GCN1: variants seen among roughly 807,000 people sequenced by gnomAD.
GCN1 encodes the protein stalled ribosome sensor GCN1.
GCN1 carries 90 observed loss-of-function variants against 288.4 expected under a neutral mutation model. That is an observed-to-expected ratio of 0.31 (90% CI 0.26 to 0.37). The LOEUF is 0.37. Among genes scored for constraint, GCN1 ranks in the 10% least tolerant of loss-of-function variants. The pLI, the probability that GCN1 is intolerant of heterozygous loss-of-function variation, is 1.00. For synonymous variants in GCN1, 1,386 were observed against 1,420.2 expected (o/e 0.98, Z 0.54); for missense variants, 2,586 against 3,419.9 (o/e 0.76, Z 6.08).
intron 56 of GCN1, among the ~76,000 whole-genome samples, chr12:120,130,163 C>T (rs552928285): frequency 6.6e-6 from 1 of 152,338 alleles, no homozygotes; most frequent in Non-Finnish European, 1.5e-5. Context: ...CTGGCTCTGA[C>T]TTCTGTGCAC....
chr12:120,176,174 C>A lies in GCN1; in HGVS notation c.882G>T (p.Gln294His). The change falls in exon 10 of 58, where the codon CAG becomes CAT. Residue 294 changes from glutamine (Q) to histidine (H), a missense_variant. By Grantham distance (24) the Gln-to-His change is conservative (BLOSUM62 0). Around this residue, in one of 8 missense-constraint regions of GCN1, gnomAD observed 913 missense variants for 1,107.0 expected, o/e 0.82. Coordinates refer to ENST00000300648, the MANE Select transcript of GCN1 (RefSeq NM_006836.2). ...GTCCTTTCACGATGTCCATGGCATA[C>A]TGGCTGAGGTCAAGCGTCACTGATG... Reference protein sequence around the residue: ...LLASVTLDLSQYAMDIVKGLA... With the variant: ...LLASVTLDLSHYAMDIVKGLA... The A allele has an allele frequency of 1.9e-6, 3 of 1,612,514 alleles. No homozygotes were observed. The highest frequency in any genetic ancestry group is 1.1e-5 in the South Asian group (1 of 91,030).
chr12:120,150,143 T>C, intron 34 of GCN1, 100 bp from the exon 35 acceptor site: 1 of 1,184,210 alleles, frequency 8.4e-7, no homozygotes, highest in African/African-American at 1.5e-5. Context: ...CTCCCACCCC[T>C]CTGGAAACAC....
Position 120,151,342 on chromosome 12 carries a change from T to C in GCN1, c.4112A>G (p.Lys1371Arg). 2 of 1,613,914 alleles carry C rather than the reference T, an allele frequency of 1.2e-6. No individual in the cohort carries two copies. ...CTGGATCATCCCTCCAGCATCCTCC[T>C]TGATGGCTGGCACAAGGGGTGGCAA... ...SCLPPLVPAI[K>R]EDAGGMIQRL... is the part of the protein sequence containing the mutation. The change falls in exon 34 of 58, where the codon AAG becomes AGG. Residue 1371 changes from lysine (K) to arginine (R), a missense_variant. Lys to Arg is a conservative substitution (Grantham distance 26, BLOSUM62 2). Coordinates refer to ENST00000300648, the MANE Select transcript of GCN1 (RefSeq NM_006836.2).
At chr12:120,141,706 T>C (rs1877202187) in intron 44 of GCN1, among the ~76,000 whole-genome samples, 1 of 152,200 alleles carries the variant, frequency 6.6e-6, no homozygotes, top group African/African-American at 2.4e-5. Context: ...ACATTATTTA[T>C]TCCCTCTGTC....
intron 8 of GCN1, 42 bp from the exon 9 acceptor site, chr12:120,177,597 C>T (rs780855471): frequency 1.9e-5 from 30 of 1,546,204 alleles, no homozygotes; most frequent in African/African-American, 1.6e-4. Flanking sequence ...CTCATGGGAA[C>T]GGACCAAGAA....
Position 120,168,264 on chromosome 12 carries a change from T to G in GCN1, c.1556A>C (p.Asp519Ala). The change falls in exon 16 of 58, where the codon GAT (aspartate) becomes GCT (alanine). Residue 519 changes from aspartate (D) to alanine (A), a missense_variant. By Grantham distance (126) the Asp-to-Ala change is moderately radical (BLOSUM62 -2). Transcript: ENST00000300648. ...KLSSFWQLIV[D>A]EKKQVFTSEK... ...AGAAGTGAAAACCTGCTTTTTCTCA[T>G]CCACAATCAACTGCCAGAAACTGCT... 3.1e-6 allele frequency: 5 copies of G among 1,610,768 alleles called. No individual in the cohort carries two copies. The highest frequency in any genetic ancestry group is 4.2e-6 in the Non-Finnish European group (5 of 1,176,914).
chr12:120,145,005 C>A lies in GCN1; in HGVS notation c.5073G>T (p.Ser1691=). 1 of 1,614,028 alleles carries A rather than the reference C, an allele frequency of 6.2e-7. No homozygotes were observed. The highest frequency in any genetic ancestry group is 8.5e-7 in the Non-Finnish European group (1 of 1,180,002). Residue 1691 remains serine, a synonymous_variant, in exon 40 of 58, where the codon TCG becomes TCT. Coordinates refer to ENST00000300648, the MANE Select transcript of GCN1 (RefSeq NM_006836.2). ...GCCACGGCAGCAAGTCCTCAAAGCA[C>A]GACTCCCCCATGCCCTTCACCATGG... ...LGAMVKGMGE[S]CFEDLLPWLM... is the part of the protein sequence containing the mutation.
chr12:120,162,135 CT>C, intron 20 of GCN1, 77 bp from the exon 21 acceptor site: 1 of 1,167,370 alleles, frequency 8.6e-7, no homozygotes, highest in Non-Finnish European at 1.2e-6. Flanking sequence ...CTGAATGCCC[CT>C]AGCACTGGCT....
chr12:120,164,865 GTTTTT>G, intron 16 of GCN1, 144 bp from the exon 17 acceptor site: 1 of 373,084 alleles, frequency 2.7e-6, no homozygotes, highest in Non-Finnish European at 4.8e-6. Flanking sequence ...ATTACAGCTT[GTTTTT>G]TTTTTTTTGC....
intron 37 of GCN1, among the ~76,000 whole-genome samples, chr12:120,147,547 T>A (rs1371767565): frequency 6.6e-6 from 1 of 152,268 alleles, no homozygotes; most frequent in Non-Finnish European, 1.5e-5. Context: ...GAAAAGCATG[T>A]ATCCTTAGTA....
chr12:120,172,536 G>A (rs1009767395), intron 14 of GCN1, among the ~76,000 whole-genome samples: 4 of 152,116 alleles, frequency 2.6e-5, no homozygotes, highest in African/African-American at 9.7e-5. Context: ...TTGAGACAGA[G>A]TATCACTCTG....
chr12:120,141,056 C>A, intron 44 of GCN1, 33 bp from the exon 45 acceptor site: 1 of 1,585,132 alleles, frequency 6.3e-7, no homozygotes, highest in South Asian at 1.2e-5. Flanking sequence ...GAAGTAAAGT[C>A]CCTGCAAAGC....
At chr12:120,163,420 G>A (rs1163141283) in intron 18 of GCN1, among the ~76,000 whole-genome samples, 161 bp from the exon 19 acceptor site, 1 of 152,254 alleles carries the variant, frequency 6.6e-6, no homozygotes, top group Non-Finnish European at 1.5e-5. Flanking sequence ...GGGACCCACA[G>A]GCTGTGAGAT....
At chr12:120,176,352 C>T in intron 9 of GCN1, 135 bp from the exon 10 acceptor site, 1 of 631,966 alleles carries the variant, frequency 1.6e-6, no homozygotes, top group Non-Finnish European at 2.8e-6. Flanking sequence ...CATGAGTAGT[C>T]CCAAAGCTCT....
At chr12:120,151,000 T>C (rs1474762070) in intron 34 of GCN1, 145 bp downstream of exon 34, 1 of 857,284 alleles carries the variant, frequency 1.2e-6, no homozygotes, top group African/African-American at 1.7e-5. Context: ...AGGACGCAGC[T>C]GGACTGGGTC....
chr12:120,161,378 C>T, intron 22 of GCN1, 112 bp downstream of exon 22: 2 of 717,576 alleles, frequency 2.8e-6, no homozygotes, highest in South Asian at 1.6e-5. Flanking sequence ...GAGGAGTGTG[C>T]CATGGGCCTC....
In GCN1 at chr12:120,176,158, C is replaced by T. The variant is rs1464716766; in HGVS notation, c.898G>A (p.Val300Met). Residue 300 changes from valine (V) to methionine (M), a missense_variant, in exon 10 of 58, where the codon GTG becomes ATG. Physicochemically the swap from Val to Met is conservative, Grantham distance 21 (BLOSUM62 1). Transcript: ENST00000300648. ...LDLSQYAMDI[V>M]KGLAGHLKSN... The stretch of plus-strand genomic sequence containing the variant: ...GGATACTCACCAGCCAGTCCTTTCA[C>T]GATGTCCATGGCATACTGGCTGAGG... 11 of 1,609,296 alleles carry T rather than the reference C, an allele frequency of 6.8e-6. No homozygotes were observed. The highest frequency in any genetic ancestry group is 1.7e-5 in the Admixed American group (1 of 59,982).
chr12:120,165,503 T>C (rs1335000932), intron 16 of GCN1, among the ~76,000 whole-genome samples: 2 of 152,044 alleles, frequency 1.3e-5, no homozygotes, highest in African/African-American at 4.8e-5. Flanking sequence ...AGTCTCGCTA[T>C]GTTGCCCAGG....
At chr12:120,132,630 C>T (rs538286895) in intron 53 of GCN1, among the ~76,000 whole-genome samples, 1 of 152,348 alleles carries the variant, frequency 6.6e-6, no homozygotes, top group East Asian at 1.9e-4. Context: ...AAGGCAAGCA[C>T]TTCCTGTTCA....
Sources: allele counts gnomAD v4.1 joint callset (sites outside exome capture counted in the v4.1 genomes callset), GRCh38; gene constraint gnomAD v4.1.1; regional missense constraint gnomAD v4.1.1; transcripts MANE v1.5; gene names NCBI Gene and HGNC (gene_info 2026-07-23, HGNC 2026-07-21).